Variants in MTTP observed in about 807,000 individuals in gnomAD.
MTTP encodes microsomal triglyceride transfer protein.
A neutral mutation model predicts 90.6 loss-of-function variants in MTTP; 49 were observed. The ratio of observed to expected loss-of-function variants is 0.54; its 90% confidence interval spans 0.43 to 0.69. The LOEUF (loss-of-function observed/expected upper bound fraction) is 0.69. Ranked by LOEUF, MTTP falls within the 30% of genes least tolerant of loss-of-function variation. The pLI is 0.00. For synonymous variants in MTTP, 347 were observed against 384.2 expected (o/e 0.90, Z 1.13); for missense variants, 945 against 1,067.5 (o/e 0.89, Z 1.60).
intron 6 of MTTP, among the ~76,000 whole-genome samples, chr4:99,592,273 C>T (rs1045464194): frequency 6.6e-5 from 10 of 152,094 alleles, no homozygotes; most frequent in Non-Finnish European, 1.5e-4. Flanking sequence ...TAGACTAGGA[C>T]GTTACTGTAC....
chr4:99,601,831 A>T lies in MTTP; in HGVS notation c.1344+117A>T. ...CTCTTTACTCTATTCTACTTACCTT[A>T]TTTGCATAGCAATTTTTGCCATCTA... On this transcript the variant is annotated intron_variant, in intron 10 of 17. Coordinates refer to ENST00000265517, the MANE Select transcript of MTTP (RefSeq NM_001386140.1). The T allele has an allele frequency of 3.7e-6, 3 of 802,690 alleles. No homozygotes were observed. In the East Asian group the frequency reaches 7.7e-5, roughly 21 times the overall value. The allele number at this position is 802,690 out of a possible 1,614,324, so 49.7% of individuals were successfully genotyped here.
intron 10 of MTTP, among the ~76,000 whole-genome samples, chr4:99,602,654 C>CAATAA (rs1725726415): frequency 6.6e-6 from 1 of 152,080 alleles, no homozygotes; most frequent in African/African-American, 2.4e-5. Context: ...TGGGTATTAA[C>CAATAA]TTATTAAGTT....
At position 99,564,609 on chromosome 4, in the gene MTTP, C is replaced by T. The variant is rs116149945; in HGVS notation, c.-102+372C>T. On this transcript the variant is annotated intron_variant, in intron 1 of 18. Coordinates refer to the MTTP transcript ENST00000457717. ...ATACTTGACCTTATATAATCTTTTGCTATATATAGATCATGTCAACTGAGA... is the reference window on the plus strand; with the variant it reads ...ATACTTGACCTTATATAATCTTTTGTTATATATAGATCATGTCAACTGAGA... 2.9e-3 allele frequency among the ~76,000 whole-genome samples: 444 copies of T among 152,130 alleles called. 3 individuals carry two copies. Among genetic ancestry groups the T allele is most frequent in the African/African-American group, 0.01 (426 of 41,490 alleles).
intron 1 of MTTP, among the ~76,000 whole-genome samples, chr4:99,566,315 GAAA>G (rs1724700818): frequency 1.6e-5 from 2 of 123,650 alleles, no homozygotes; most frequent in Non-Finnish European, 3.4e-5. Flanking sequence ...AAAAAAAAAA[GAAA>G]AATAGGTTTT....
At chr4:99,591,454 T>C (rs1341160267) in intron 5 of MTTP, 103 bp downstream of exon 5, 1 of 1,186,056 alleles carries the variant, frequency 8.4e-7, no homozygotes, top group Non-Finnish European at 1.2e-6. Context: ...TTTTGAAACA[T>C]TTGTAATTTT....
chr4:99,591,720 G>A lies in MTTP; in HGVS notation c.688G>A (p.Val230Met), dbSNP rs951475142. 1 of 1,612,944 alleles carries A rather than the reference G, an allele frequency of 6.2e-7. No homozygotes were observed. The part of the protein sequence containing the change: ...YKIEDSFVIA[V>M]LAEETHNFGL... ...GATAGAAGACAGCTTTGTTATAGCT[G>A]TGCTTGCTGAAGAAACACACAATTT... Residue 230 changes from valine (V) to methionine (M), a missense_variant, in exon 6 of 18, where the codon GTG becomes ATG. By Grantham distance (21) the Val-to-Met change is conservative. Transcript: ENST00000265517.
intron 10 of MTTP, 45 bp downstream of exon 10, chr4:99,601,759 T>C: frequency 7.1e-7 from 1 of 1,401,208 alleles, no homozygotes; most frequent in Admixed American, 1.7e-5. Context: ...TCTACACCAT[T>C]GTCCATTTGA....
intron 10 of MTTP, among the ~76,000 whole-genome samples, chr4:99,602,633 C>G (rs1233501725): frequency 6.6e-6 from 1 of 152,022 alleles, no homozygotes; most frequent in African/African-American, 2.4e-5. Context: ...AACAGTAGTA[C>G]TGAAAAGGCT....
At position 99,623,213 on chromosome 4, in the gene MTTP, C is replaced by T; in HGVS notation, c.*365C>T. 2 of 304,858 alleles carry T rather than the reference C, an allele frequency of 6.6e-6. No individual in the cohort carries two copies. The highest frequency in any genetic ancestry group is 1.3e-5 in the Non-Finnish European group (2 of 158,940). 18.9% of individuals were successfully genotyped at this position (304,858 alleles called of 1,614,324 possible). A position where few individuals can be genotyped will look rare whatever the true frequency, so the allele number is the denominator to read the frequency against. ...CAATTTTGTTTCAACAATTTTTGAT[C>T]AATGTATATGAAGCTCTTGATAGGA... On this transcript the variant is annotated 3_prime_UTR_variant, in exon 18 of 18. Transcript: ENST00000265517.
intron 1 of MTTP, among the ~76,000 whole-genome samples, chr4:99,575,454 A>C (rs1724933061): frequency 6.6e-6 from 1 of 152,212 alleles, no homozygotes; most frequent in Non-Finnish European, 1.5e-5. Context: ...TATGAATGAA[A>C]TGGCACAACA....
chr4:99,578,770 T>C (rs1322683764), intron 1 of MTTP, among the ~76,000 whole-genome samples: 2 of 152,234 alleles, frequency 1.3e-5, no homozygotes, highest in Non-Finnish European at 2.9e-5. Context: ...TTGGTAAATT[T>C]AAACATCAAA....
intron 10 of MTTP, among the ~76,000 whole-genome samples, chr4:99,605,947 T>C (rs945276665): frequency 1.3e-5 from 2 of 151,806 alleles, no homozygotes; most frequent in East Asian, 3.9e-4. Context: ...TTATGAATCC[T>C]GTGGATGAAT....
chr4:99,614,307 G>A (rs1042197272), intron 15 of MTTP, among the ~76,000 whole-genome samples: 7 of 152,078 alleles, frequency 4.6e-5, no homozygotes, highest in Non-Finnish European at 8.8e-5. Context: ...GATAATTTGA[G>A]GATTCTGATT....
At chr4:99,603,242 C>T (rs533791490) in intron 10 of MTTP, among the ~76,000 whole-genome samples, 1 of 151,924 alleles carries the variant, frequency 6.6e-6, no homozygotes, top group Non-Finnish European at 1.5e-5. Context: ...AGTGGAGACA[C>T]AGGAAAGATG....
chr4:99,572,592 G>A (rs1222419845), upstream of MTTP, among the ~76,000 whole-genome samples: 1 of 151,958 alleles, frequency 6.6e-6, no homozygotes, highest in Admixed American at 6.6e-5. Context: ...AAAACGTAAG[G>A]TGATTAACAA....
rs1445853334 is a variant in MTTP at position 99,606,907 on chromosome 4, C to T, written c.1504C>T (p.His502Tyr). 2 of 1,613,798 alleles carry T rather than the reference C, an allele frequency of 1.2e-6. No individual in the cohort carries two copies. The highest frequency in any genetic ancestry group is 2.2e-5 in the East Asian group (1 of 44,866). The change falls in exon 11 of 18, where the codon CAC (histidine) becomes TAC (tyrosine). Residue 502 changes from histidine (H) to tyrosine (Y), a missense_variant. Physicochemically the swap from His to Tyr is moderately conservative, Grantham distance 83. Coordinates refer to ENST00000265517, the MANE Select transcript of MTTP (RefSeq NM_001386140.1). ...AGAAGCAGGAGAAGGGCCCATCAGC[C>T]ACCTGGCTACCACTGCTCTCCAGAG... ...YAEAGEGPIS[H>Y]LATTALQRYD...
At chr4:99,591,122 GA>G (rs952603452) in intron 4 of MTTP, 112 bp from the exon 5 acceptor site, 5 of 780,280 alleles carry the variant, frequency 6.4e-6, no homozygotes, top group East Asian at 2.4e-5. Context: ...TCCTGGGGGA[GA>G]AAAAAAGTCC....
chr4:99,607,087 A>G lies in MTTP; in HGVS notation c.1557+127A>G. 3.7e-6 allele frequency: 3 copies of G among 809,638 alleles called. No homozygotes were observed. In the Admixed American group the frequency reaches 7.0e-5, roughly 19 times the overall value. The allele number at this position is 809,638 out of a possible 1,614,324, so 50.2% of individuals were successfully genotyped here. The stretch of plus-strand genomic sequence containing the variant: ...CCCAAATAGTCTTCTCTCCTGCTTA[A>G]AAATAACTCTTAAATTGCATTTGCG... On this transcript the variant is annotated intron_variant, in intron 11 of 17. Transcript: ENST00000265517.
chr4:99,599,227 A>G (rs1034320227), intron 8 of MTTP, among the ~76,000 whole-genome samples: 1 of 152,236 alleles, frequency 6.6e-6, no homozygotes, highest in Non-Finnish European at 1.5e-5. Flanking sequence ...AGTATCTTTA[A>G]TCAGATAATA....
Sources: allele counts gnomAD v4.1 joint callset (sites outside exome capture counted in the v4.1 genomes callset), GRCh38; gene constraint gnomAD v4.1.1; transcripts MANE v1.5; gene names NCBI Gene and HGNC (gene_info 2026-07-23, HGNC 2026-07-21).